Variants in OVOL2 observed in about 807,000 individuals in gnomAD.
OVOL2 encodes ovo like zinc finger 2.
A neutral mutation model predicts 18.1 loss-of-function variants in OVOL2; 13 were observed. The observed-to-expected ratio is 0.72, with a 90% CI of 0.47 to 1.14. The LOEUF is 1.14. OVOL2 is among the 50% of genes most tolerant of loss of function. The pLI, the probability that OVOL2 is intolerant of heterozygous loss-of-function variation, is 0.00. For missense variants in OVOL2, 335 were observed against 383.0 expected (o/e 0.87, Z 1.05); for synonymous variants, 166 against 162.7 (o/e 1.02, Z -0.16).
rs779008318 is a variant in OVOL2, at chr20:18,056,747, G to C, written c.231C>G (p.Pro77=). 3.3e-5 allele frequency: 49 copies of C among 1,487,600 alleles called. No homozygotes were observed. The highest frequency in any genetic ancestry group is 6.4e-5 in the South Asian group (5 of 77,836). 92.2% of individuals were successfully genotyped at this position (1,487,600 alleles called of 1,614,324 possible). The part of the protein sequence containing the change: ...GAESSSSPHA[P]ESETPEPGDA... ...CGCCGGGCTCGGGGGTTTCGCTCTC[G>C]GGGGCGTGCGGGGACGAGCTGCTCT... The change falls in exon 2 of 4, where the codon CCC becomes CCG. Residue 77 remains proline, a synonymous_variant. Transcript: ENST00000278780. The surrounding 1 kb of genome is among the most constrained non-coding windows in gnomAD (Gnocchi z 4.2).
At chr20:18,044,415 C>T (rs1184480274) in intron 2 of OVOL2, among the ~76,000 whole-genome samples, 2 of 152,212 alleles carry the variant, frequency 1.3e-5, no homozygotes, top group Non-Finnish European at 2.9e-5. Context: ...AGGGCCAGTG[C>T]ACAATCAGTA....
intron 2 of OVOL2, among the ~76,000 whole-genome samples, chr20:18,048,704 C>T (rs1323532297): frequency 6.6e-6 from 1 of 152,112 alleles, no homozygotes; most frequent in Non-Finnish European, 1.5e-5. Context: ...GAGACCCTGT[C>T]TCAAAAAATA....
chr20:18,046,444 A>G (rs1000288942), intron 2 of OVOL2, among the ~76,000 whole-genome samples: 2 of 152,164 alleles, frequency 1.3e-5, no homozygotes, highest in Non-Finnish European at 2.9e-5. Flanking sequence ...TCAAACCCCC[A>G]GAAGACTCCA....
intron 3 of OVOL2, among the ~76,000 whole-genome samples, chr20:18,030,526 C>T (rs1039119118): frequency 7.2e-5 from 11 of 152,212 alleles, no homozygotes; most frequent in Admixed American, 2.0e-4. Context: ...GTGCACAGGG[C>T]CACATCTCCT....
At chr20:18,046,849 G>A (rs188164675) in intron 2 of OVOL2, among the ~76,000 whole-genome samples, 1 of 151,798 alleles carries the variant, frequency 6.6e-6, no homozygotes, top group East Asian at 1.9e-4. Context: ...ATCTTACCTT[G>A]TTCCTCTACA....
intron 3 of OVOL2, among the ~76,000 whole-genome samples, chr20:18,030,094 A>G (rs996750054): frequency 3.3e-5 from 5 of 152,250 alleles, no homozygotes; most frequent in Non-Finnish European, 5.9e-5. Flanking sequence ...GTTCCAGGAA[A>G]GAAAGGCCAC....
At chr20:18,058,262 C>T (rs1364884204), upstream of OVOL2, among the ~76,000 whole-genome samples, 1 of 151,926 alleles carries the variant, frequency 6.6e-6, no homozygotes, top group Non-Finnish European at 1.5e-5. Flanking sequence ...GGCTCAGTTC[C>T]CCTGGACCTT....
At chr20:18,042,320 G>A (rs2036679436) in intron 2 of OVOL2, among the ~76,000 whole-genome samples, 1 of 152,182 alleles carries the variant, frequency 6.6e-6, no homozygotes. Flanking sequence ...GGGTATGAAT[G>A]TTAGGCCCCT....
At chr20:18,051,112 G>A (rs2036767910) in intron 2 of OVOL2, among the ~76,000 whole-genome samples, 1 of 152,090 alleles carries the variant, frequency 6.6e-6, no homozygotes, top group Non-Finnish European at 1.5e-5. Context: ...TCAGCAGCAT[G>A]TGCCTGTAGT....
intron 3 of OVOL2, among the ~76,000 whole-genome samples, chr20:18,026,918 G>A (rs1268741732): frequency 6.6e-6 from 1 of 152,044 alleles, no homozygotes; most frequent in Non-Finnish European, 1.5e-5. Flanking sequence ...GGGACTTAAA[G>A]GTGGAACAAC....
chr20:18,026,588 A>G (rs1159777783), intron 3 of OVOL2, among the ~76,000 whole-genome samples: 1 of 152,074 alleles, frequency 6.6e-6, no homozygotes, highest in African/African-American at 2.4e-5. Context: ...TCACCATGTT[A>G]GCCAGAATGG....
At chr20:18,049,818 G>A (rs1185276226) in intron 2 of OVOL2, among the ~76,000 whole-genome samples, 1 of 152,144 alleles carries the variant, frequency 6.6e-6, no homozygotes, top group Non-Finnish European at 1.5e-5. Context: ...GGGGCAGGAG[G>A]AGGGGGCATG....
intron 3 of OVOL2, among the ~76,000 whole-genome samples, chr20:18,029,895 A>G (rs114720247): frequency 6.6e-6 from 1 of 152,084 alleles, no homozygotes; most frequent in Non-Finnish European, 1.5e-5. Context: ...GGGAGAGATC[A>G]CTGGAACCCA....
At chr20:18,053,692 A>C (rs1600453114) in intron 2 of OVOL2, among the ~76,000 whole-genome samples, 3 of 124,508 alleles carry the variant, frequency 2.4e-5, no homozygotes, top group Admixed American at 7.9e-5. Flanking sequence ...ACAGAGAGAG[A>C]CTCTGTCTCA....
chr20:18,056,971 C>A lies in OVOL2; in HGVS notation c.101-94G>T. ...CCTGCGGGCGGTGCTGCCGCCGCCC[C>A]GCCCCGGACCTGGGCACCTCGCCAA... On this transcript the variant is annotated intron_variant, in intron 1 of 3. Coordinates refer to ENST00000278780, the MANE Select transcript of OVOL2 (RefSeq NM_021220.4). This position sits in a 1 kb window ranked among gnomAD's most constrained non-coding sequence, Gnocchi z 4.2. The A allele has an allele frequency of 7.5e-7, 1 of 1,338,210 alleles. No homozygotes were observed. Among genetic ancestry groups the A allele is most frequent in the South Asian group, 1.7e-5 (1 of 58,316 alleles). 82.9% of individuals were successfully genotyped at this position (1,338,210 alleles called of 1,614,324 possible).
intron 2 of OVOL2, among the ~76,000 whole-genome samples, chr20:18,053,498 C>G (rs1473944466): frequency 6.6e-6 from 1 of 152,032 alleles, no homozygotes; most frequent in Non-Finnish European, 1.5e-5. Flanking sequence ...GTCAGGAGTT[C>G]AAGACCAGCC....
At position 18,057,319 on chromosome 20, in the gene OVOL2, A is replaced by G. The variant is rs541419309; in HGVS notation, c.100+216T>C. Reference sequence around the variant, plus strand: ...CAGCCAACGGTCCCGCCGCCGGGCAATTAGAGGCTCCCACTACGGGGAAGG... The same window carrying G: ...CAGCCAACGGTCCCGCCGCCGGGCAGTTAGAGGCTCCCACTACGGGGAAGG... On this transcript the variant is annotated intron_variant, in intron 1 of 3. Transcript: ENST00000278780. This position sits in a 1 kb window ranked among gnomAD's most constrained non-coding sequence, Gnocchi z 6.3. Among the ~76,000 whole-genome samples, 7 of 152,134 alleles carry G rather than the reference A, an allele frequency of 4.6e-5. No homozygotes were observed. The highest frequency in any genetic ancestry group is 1.7e-4 in the African/African-American group (7 of 41,442).
chr20:18,035,339 T>A (rs8123008), intron 3 of OVOL2, among the ~76,000 whole-genome samples: 18,347 of 152,170 alleles, frequency 0.12, 1,206 homozygotes, highest in Middle Eastern at 0.16. Flanking sequence ...TAATCCCAGC[T>A]ACAGCTACCT....
intron 3 of OVOL2, among the ~76,000 whole-genome samples, chr20:18,031,533 C>T (rs879849645): frequency 5.9e-5 from 9 of 152,010 alleles, no homozygotes; most frequent in Non-Finnish European, 8.8e-5. Context: ...GCTGAGATGG[C>T]GCCACTGCAC....
Sources: gnomAD v4.1 joint callset for allele counts (sites outside exome capture counted in the v4.1 genomes callset) on GRCh38, gnomAD v4.1.1 for gene constraint, Gnocchi (gnomAD v3.1) non-coding constraint, MANE v1.5 for transcripts, NCBI Gene and HGNC (gene_info 2026-07-23, HGNC 2026-07-21) for gene names.